The following ITGA4 variants were observed in gnomAD, a reference collection of about 807,000 sequenced individuals.
The protein encoded by ITGA4 is integrin alpha-4.
Under a neutral mutation model 133.6 loss-of-function variants are expected in ITGA4, and 63 were observed. That is an observed-to-expected ratio of 0.47 (90% CI 0.38 to 0.58). The LOEUF is 0.58. ITGA4 is among the 20% of genes least tolerant of loss of function. The pLI, the probability that ITGA4 is intolerant of heterozygous loss-of-function variation, is 0.00. For missense variants in ITGA4, 1,076 were observed against 1,252.7 expected, an observed-to-expected ratio of 0.86 and a Z score of 2.13; for synonymous variants, 483 against 438.0, an observed-to-expected ratio of 1.10 and a Z score of -1.28.
At chr2:181,534,751 T>G (rs757516494) in intron 26 of ITGA4, 65 bp from the exon 27 acceptor site, 1 of 1,383,596 alleles carries the variant, frequency 7.2e-7, no homozygotes, top group East Asian at 2.4e-5. Flanking sequence ...AAAGGAAATA[T>G]AAGCAACGTT....
intron 2 of ITGA4, among the ~76,000 whole-genome samples, chr2:181,464,463 G>A (rs539650406): frequency 5.9e-5 from 9 of 152,116 alleles, no homozygotes; most frequent in Non-Finnish European, 1.3e-4. Context: ...TAACTCAGTT[G>A]AGATGATGGG....
chr2:181,536,868 G>GAACATCTGTT lies in ITGA4; in HGVS notation c.*1343_*1352dup. 1 of 432,620 alleles carries GAACATCTGTT rather than the reference G, an allele frequency of 2.3e-6. No individual in the cohort carries two copies. The allele number at this position is 432,620 out of a possible 1,614,324, so 26.8% of individuals were successfully genotyped here. On this transcript the variant is annotated 3_prime_UTR_variant, in exon 28 of 28. Coordinates refer to ENST00000397033, the MANE Select transcript of ITGA4 (RefSeq NM_000885.6). ...CATAAGAGAGCTGTGGCCGAATTTT[G>GAACATCTGTT]AACATCTGTTATAGGGAGTGATCAA...
At chr2:181,479,426 G>A (rs1205634433) in intron 5 of ITGA4, 1 of 152,082 alleles carries the variant, frequency 6.6e-6, no homozygotes, top group African/African-American at 2.4e-5. Context: ...CAAGTTTGGG[G>A]TTGACAGTGT....
intron 15 of ITGA4, among the ~76,000 whole-genome samples, chr2:181,507,375 T>C (rs1686414546): frequency 6.6e-6 from 1 of 152,162 alleles, no homozygotes; most frequent in South Asian, 2.1e-4. Flanking sequence ...ATAAATCCTC[T>C]TAGGTTACTT....
rs1177272982 is a variant in ITGA4, at chr2:181,536,873, TC to T, written c.*1347del. ...GAGAGCTGTGGCCGAATTTTGAACA[TC>T]TGTTATAGGGAGTGATCAAATTAGA... On this transcript the variant is annotated 3_prime_UTR_variant, in exon 28 of 28. Coordinates refer to ENST00000397033, the MANE Select transcript of ITGA4 (RefSeq NM_000885.6). The T allele has an allele frequency of 2.3e-6, 1 of 432,512 alleles. No individual in the cohort carries two copies. Among genetic ancestry groups the T allele is most frequent in the Non-Finnish European group, 4.6e-6 (1 of 217,404 alleles). The allele number at this position is 432,512 out of a possible 1,614,324, so 26.8% of individuals were successfully genotyped here. A position where few individuals can be genotyped will look rare whatever the true frequency, so the allele number is the denominator to read the frequency against.
At chr2:181,535,051 T>A (rs1453996803) in intron 27 of ITGA4, 116 bp downstream of exon 27, 1 of 1,170,980 alleles carries the variant, frequency 8.5e-7, no homozygotes, top group Non-Finnish European at 1.2e-6. Flanking sequence ...TAACTTTTTA[T>A]GTTGCTCAGT....
chr2:181,536,517 T>G lies in ITGA4; in HGVS notation c.*990T>G, dbSNP rs1687095799. On this transcript the variant is annotated 3_prime_UTR_variant, in exon 28 of 28. Coordinates refer to ENST00000397033, the MANE Select transcript of ITGA4 (RefSeq NM_000885.6). ...AAAATATTGACTATCACACAACTAT[T>G]TCCTTGGATGTAATTCTTTGTTACC... Among the ~76,000 whole-genome samples, 1 of 137,072 alleles carries G rather than the reference T, an allele frequency of 7.3e-6. No individual in the cohort carries two copies. Among genetic ancestry groups the G allele is most frequent in the South Asian group, 2.5e-4 (1 of 4,022 alleles). 89.9% of individuals were successfully genotyped at this position (137,072 alleles called of 152,430 possible).
At chr2:181,463,950 A>C (rs1685350860) in intron 2 of ITGA4, among the ~76,000 whole-genome samples, 1 of 152,126 alleles carries the variant, frequency 6.6e-6, no homozygotes, top group Non-Finnish European at 1.5e-5. Context: ...TCTCATGCAG[A>C]GCTTTTAACA....
In ITGA4 at chr2:181,534,327, A is replaced by T. The variant is rs773146768; in HGVS notation, c.2840A>T (p.Asn947Ile). The T allele has an allele frequency of 6.2e-7, 1 of 1,610,802 alleles. No individual in the cohort carries two copies. The highest frequency in any genetic ancestry group is 1.7e-5 in the Admixed American group (1 of 60,002). Residue 947 changes from asparagine to isoleucine, a missense_variant, in exon 26 of 28, where the codon AAT becomes ATT. By Grantham distance (149) the Asn-to-Ile change is moderately radical. Around this residue, in one of 4 missense-constraint regions of ITGA4, gnomAD observed 193 missense variants for 172.3 expected, o/e 1.12. Coordinates refer to ENST00000397033, the MANE Select transcript of ITGA4 (RefSeq NM_000885.6). ...EIRATGFPEP[N>I]PRVIELNKDE... ...AGAGCAACAGGTTTTCCAGAGCCAAATCCAAGAGTAATTGAACTAAACAAG... is the reference window on the plus strand; with the variant it reads ...AGAGCAACAGGTTTTCCAGAGCCAATTCCAAGAGTAATTGAACTAAACAAG...
In ITGA4 at chr2:181,536,614, AGC is replaced by A. The variant is rs1332795119; in HGVS notation, c.*1088_*1089del. ...TTCATAAATTTAAATTCATAAATTT[AGC>A]TGAAAGATACTGATTCAATTTGTAT... is the stretch of plus-strand genomic sequence containing the variant. On this transcript the variant is annotated 3_prime_UTR_variant, in exon 28 of 28. Transcript: ENST00000397033. 6.2e-6 allele frequency: 1 copy of A among 162,466 alleles called. No homozygotes were observed. The highest frequency in any genetic ancestry group is 1.3e-5 in the Non-Finnish European group (1 of 74,672). 10.1% of individuals were successfully genotyped at this position (162,466 alleles called of 1,614,324 possible). A position where few individuals can be genotyped will look rare whatever the true frequency, so the allele number is the denominator to read the frequency against.
chr2:181,475,718 C>T, intron 4 of ITGA4: 3 of 1,424,466 alleles, frequency 2.1e-6, no homozygotes, highest in African/African-American at 1.4e-5. Flanking sequence ...CTTTCATTCG[C>T]ACTCACTATC....
At chr2:181,501,161 C>G (rs1686260532) in intron 15 of ITGA4, among the ~76,000 whole-genome samples, 1 of 152,150 alleles carries the variant, frequency 6.6e-6, no homozygotes, top group Non-Finnish European at 1.5e-5. Context: ...TGGCCCCCAT[C>G]TAGAATCCCT....
intron 22 of ITGA4, among the ~76,000 whole-genome samples, chr2:181,529,043 A>G (rs572067665): frequency 2.1e-4 from 32 of 152,304 alleles, no homozygotes; most frequent in Non-Finnish European, 4.3e-4. Context: ...CTTAGCACAG[A>G]GTGCTTTTGC....
chr2:181,530,354 G>A (rs1158503878), intron 23 of ITGA4, among the ~76,000 whole-genome samples, 170 bp from the exon 24 acceptor site: 4 of 152,134 alleles, frequency 2.6e-5, no homozygotes, highest in African/African-American at 9.7e-5. Context: ...TTGTGTTTCT[G>A]CCACAGACAT....
At chr2:181,514,845 TTTTC>T (rs1341054848) in intron 17 of ITGA4, among the ~76,000 whole-genome samples, 2 of 152,144 alleles carry the variant, frequency 1.3e-5, no homozygotes, top group African/African-American at 4.8e-5. Context: ...AATGAATTAT[TTTTC>T]TTTGTTACAT....
chr2:181,482,372 A>T lies in ITGA4; in HGVS notation c.853A>T (p.Ser285Cys), dbSNP rs759126226. Reference protein sequence around the residue: ...HEQIGKAYIFSIDEKELNILH... With the variant: ...HEQIGKAYIFCIDEKELNILH... Reference sequence around the variant, plus strand: ...TCCCTAATTACAGGCATATATATTCAGCATTGATGAAAAAGAACTAAATAT... The same window carrying T: ...TCCCTAATTACAGGCATATATATTCTGCATTGATGAAAAAGAACTAAATAT... Residue 285 changes from serine (S) to cysteine (C), a missense_variant, in exon 8 of 28, where the codon AGC becomes TGC. Coordinates refer to ENST00000397033, the MANE Select transcript of ITGA4 (RefSeq NM_000885.6). 1.9e-6 allele frequency: 3 copies of T among 1,611,740 alleles called. No homozygotes were observed. In the East Asian group the frequency reaches 6.7e-5, roughly 36 times the overall value.
At chr2:181,529,228 T>C (rs1045839577) in intron 22 of ITGA4, among the ~76,000 whole-genome samples, 1 of 145,028 alleles carries the variant, frequency 6.9e-6, no homozygotes, top group Non-Finnish European at 1.5e-5. Context: ...AAATATGTAA[T>C]GTAACATACA....
chr2:181,532,029 C>A (rs181628388), intron 25 of ITGA4, among the ~76,000 whole-genome samples: 11 of 152,284 alleles, frequency 7.2e-5, no homozygotes, highest in Admixed American at 2.0e-4. Flanking sequence ...AATCCCAGCA[C>A]TTTGGGAGGC....
rs1307536657 is a variant in ITGA4 at position 181,536,912 on chromosome 2, A to AAAAC, written c.*1388_*1391dup. On this transcript the variant is annotated 3_prime_UTR_variant, in exon 28 of 28. Transcript: ENST00000397033. ...TGATCAAATTAGAAGGCAATGTGGA[A>AAAAC]AAACAATTCTGGGAAAGATTTCTTT... is the stretch of plus-strand genomic sequence containing the variant. 1 of 453,540 alleles carries AAAAC rather than the reference A, an allele frequency of 2.2e-6. No homozygotes were observed. Among genetic ancestry groups the AAAAC allele is most frequent in the African/African-American group, 2.0e-5 (1 of 50,070 alleles). 28.1% of individuals were successfully genotyped at this position (453,540 alleles called of 1,614,324 possible).
Sources: gnomAD v4.1 joint callset for allele counts (sites outside exome capture counted in the v4.1 genomes callset) on GRCh38, gnomAD v4.1.1 for gene constraint, gnomAD v4.1.1 regional missense constraint, MANE v1.5 for transcripts, NCBI Gene and HGNC (gene_info 2026-07-23, HGNC 2026-07-21) for gene names.